Variants in NCAPG observed in about 807,000 individuals in gnomAD.
NCAPG encodes non-SMC condensin I complex subunit G, also known as condensin complex subunit 3.
A neutral mutation model predicts 113.1 loss-of-function variants in NCAPG; 69 were observed. That is an observed-to-expected ratio of 0.61 (90% CI 0.50 to 0.75). NCAPG has a LOEUF of 0.75. Among genes scored for constraint, NCAPG ranks in the 30% least tolerant of loss-of-function variants. The pLI is 0.00. For missense variants in NCAPG, 1,058 were observed against 1,177.0 expected (o/e 0.90, Z 1.48); for synonymous variants, 370 against 415.8 (o/e 0.89, Z 1.34).
rs1440728687 is a variant in NCAPG at position 17,815,547 on chromosome 4, C to T, written c.775+189C>T. ...TTTTGATATATATATATTTTTGAGA[C>T]AGAGTCTCACTCTATCACCCAGACT... On this transcript the variant is annotated intron_variant, in intron 5 of 20. Transcript: ENST00000251496. Among the ~76,000 whole-genome samples the T allele has an allele frequency of 5.3e-5, 8 of 152,240 alleles. No homozygotes were observed. The South Asian group carries it at 1.0e-3, about 20-fold the overall frequency.
chr4:17,832,880 C>T (rs1721919358), intron 13 of NCAPG, among the ~76,000 whole-genome samples: 1 of 152,164 alleles, frequency 6.6e-6, no homozygotes, highest in Non-Finnish European at 1.5e-5. Context: ...AATGACCCAG[C>T]TGTCCCGTGT....
chr4:17,844,398 C>T lies in NCAPG; in HGVS notation c.*973C>T, dbSNP rs1229137052. On this transcript the variant is annotated 3_prime_UTR_variant, in exon 21 of 21. Coordinates refer to ENST00000251496, the MANE Select transcript of NCAPG (RefSeq NM_022346.5). ...TTTTAATAATTGTGCTTTTTTTAGG[C>T]TTATCATCTACTAGAGGCCATTTAC... 1 of 152,268 alleles carries T rather than the reference C, an allele frequency of 6.6e-6. No homozygotes were observed. Among genetic ancestry groups the T allele is most frequent in the Admixed American group, 6.6e-5 (1 of 15,230 alleles). 9.4% of individuals were successfully genotyped at this position (152,268 alleles called of 1,614,324 possible). A position where few individuals can be genotyped will look rare whatever the true frequency, so the allele number is the denominator to read the frequency against.
intron 6 of NCAPG, 121 bp from the exon 7 acceptor site, chr4:17,817,816 ACT>A (rs1429402397): frequency 5.3e-6 from 5 of 939,970 alleles, no homozygotes; most frequent in African/African-American, 3.4e-5. Flanking sequence ...TACATTAATG[ACT>A]CTAATTAAAA....
intron 6 of NCAPG, 88 bp from the exon 7 acceptor site, chr4:17,817,851 C>A (rs761050440): frequency 3.0e-6 from 4 of 1,336,310 alleles, no homozygotes; most frequent in East Asian, 2.5e-5. Flanking sequence ...GGTTTTAAAG[C>A]AAATCTTATT....
intron 7 of NCAPG, among the ~76,000 whole-genome samples, chr4:17,822,135 T>C (rs1179297543): frequency 6.6e-6 from 1 of 152,012 alleles, no homozygotes; most frequent in African/African-American, 2.4e-5. Context: ...TGTGTAACTA[T>C]TGTTACAATT....
In NCAPG at chr4:17,817,967, C is replaced by G. The variant is rs1313660917; in HGVS notation, c.997C>G (p.Pro333Ala). ...ATTGATTCCAGTGGAAACATTAACT[C>G]CTGAAATTGCTTTGTATTGGTGTGC... ...RKLIPVETLTPEIALYWCALC... is the reference protein window; with the variant it reads ...RKLIPVETLTAEIALYWCALC... The change falls in exon 7 of 21, where the codon CCT (proline) becomes GCT (alanine). Residue 333 changes from proline (P) to alanine (A), a missense_variant. Transcript: ENST00000251496. The G allele has an allele frequency of 3.7e-6, 6 of 1,604,114 alleles. No individual in the cohort carries two copies. The highest frequency in any genetic ancestry group is 5.1e-6 in the Non-Finnish European group (6 of 1,177,158).
At chr4:17,815,557 C>T (rs1721167021) in intron 5 of NCAPG, among the ~76,000 whole-genome samples, 199 bp downstream of exon 5, 1 of 152,172 alleles carries the variant, frequency 6.6e-6, no homozygotes, top group South Asian at 2.1e-4. Context: ...CAGAGTCTCA[C>T]TCTATCACCC....
At chr4:17,817,130 T>C (rs1344324629) in intron 5 of NCAPG, 131 bp from the exon 6 acceptor site, 10 of 631,946 alleles carry the variant, frequency 1.6e-5, no homozygotes, top group Middle Eastern at 2.7e-4. Context: ...TATATATACA[T>C]GCTTAGTTGT....
chr4:17,822,650 A>T (rs183974928), intron 7 of NCAPG, among the ~76,000 whole-genome samples: 34 of 152,308 alleles, frequency 2.2e-4, no homozygotes, highest in Admixed American at 1.9e-3. Flanking sequence ...GCCACCTGTA[A>T]TTGGGGACCA....
At chr4:17,829,217 C>T (rs1340460188) in intron 12 of NCAPG, among the ~76,000 whole-genome samples, 2 of 152,146 alleles carry the variant, frequency 1.3e-5, no homozygotes, top group African/African-American at 4.8e-5. Flanking sequence ...TAGTACTACT[C>T]ATTCAAAGCA....
At chr4:17,824,427 A>C (rs1560226431) in intron 9 of NCAPG, among the ~76,000 whole-genome samples, 1 of 152,092 alleles carries the variant, frequency 6.6e-6, no homozygotes, top group South Asian at 2.1e-4. Context: ...CTTCTACAAC[A>C]TGCTTAGTTG....
intron 1 of NCAPG, 105 bp from the exon 2 acceptor site, chr4:17,812,116 T>C (rs1721000772): frequency 4.9e-6 from 4 of 822,022 alleles, no homozygotes; most frequent in Non-Finnish European, 3.8e-6. Context: ...AATATTTTAA[T>C]TTGTCTGCAT....
chr4:17,811,632 A>G lies in NCAPG; in HGVS notation c.111+444A>G, dbSNP rs1720958492. Among the ~76,000 whole-genome samples, 1 of 152,156 alleles carries G rather than the reference A, an allele frequency of 6.6e-6. No homozygotes were observed. Among genetic ancestry groups the G allele is most frequent in the Non-Finnish European group, 1.5e-5 (1 of 68,022 alleles). On this transcript the variant is annotated intron_variant, in intron 1 of 20. Transcript: ENST00000251496. This position sits in a 1 kb window ranked among gnomAD's most constrained non-coding sequence, Gnocchi z 5.3. ...CATCAAATGATTCTACCCTTGTCCT[A>G]CGGTTACGTTGAATCCAATCACCAA...
intron 12 of NCAPG, among the ~76,000 whole-genome samples, chr4:17,829,193 GT>G (rs1721774944): frequency 1.3e-5 from 2 of 152,152 alleles, no homozygotes; most frequent in African/African-American, 4.8e-5. Context: ...TTTTGTTGTT[GT>G]TGTTGTTTTT....
rs968856880 is a variant in NCAPG, at chr4:17,815,330, C to T, written c.747C>T (p.Leu249=). The change falls in exon 5 of 21, where the codon CTC becomes CTT. Residue 249 remains leucine (L), a synonymous_variant. Transcript: ENST00000251496. ...RAMSIAQRVM[L]LQQGLNDRSD... is the part of the protein sequence containing the mutation. ...TGTCCATTGCTCAGAGAGTAATGCT[C>T]CTTCAACAAGGTCTTAATGACAGAT... The T allele has an allele frequency of 6.3e-7, 1 of 1,585,512 alleles. No homozygotes were observed.
chr4:17,840,055 A>ATGT lies in NCAPG; in HGVS notation c.2629-14_2629-12dup, dbSNP rs749380307. 6.3e-7 allele frequency: 1 copy of ATGT among 1,590,382 alleles called. No individual in the cohort carries two copies. The highest frequency in any genetic ancestry group is 1.8e-5 in the Admixed American group (1 of 54,108). Reference sequence around the variant, plus strand: ...ATGCGGTGTTTACAAAATGTTAATAATGTTTTCTTTTATAGCAAGTAAAAG... The same window carrying ATGT: ...ATGCGGTGTTTACAAAATGTTAATAATGTTGTTTTCTTTTATAGCAAGTAAAAG... On this transcript the variant is annotated splice_polypyrimidine_tract_variant and intron_variant, in intron 17 of 20. Coordinates refer to ENST00000251496, the MANE Select transcript of NCAPG (RefSeq NM_022346.5).
intron 12 of NCAPG, among the ~76,000 whole-genome samples, chr4:17,828,943 GT>G (rs1407768450): frequency 2.7e-5 from 4 of 146,434 alleles, no homozygotes; most frequent in East Asian, 4.0e-4. Flanking sequence ...TAAAGCCACT[GT>G]TTTAAAAAAA....
intron 5 of NCAPG, among the ~76,000 whole-genome samples, 177 bp downstream of exon 5, chr4:17,815,535 A>G (rs1240577412): frequency 1.3e-5 from 2 of 152,062 alleles, no homozygotes; most frequent in African/African-American, 2.4e-5. Flanking sequence ...TGATATATAT[A>G]TATTTTTGAG....
In NCAPG at chr4:17,813,125, A is replaced by G. The variant is rs747174193; in HGVS notation, c.524A>G (p.Asp175Gly). ...TCACGACTTCAGGATCCCAAGGATG[A>G]TGAATGCCCAGTGGTTAATGGTGTG... Reference protein sequence around the residue: ...ALSRLQDPKDDECPVVNAYAT... With the variant: ...ALSRLQDPKDGECPVVNAYAT... Residue 175 changes from aspartate (D) to glycine (G), a missense_variant, in exon 3 of 21, where the codon GAT becomes GGT. Asp to Gly is a moderately conservative substitution (Grantham distance 94). Coordinates refer to ENST00000251496, the MANE Select transcript of NCAPG (RefSeq NM_022346.5). 2.5e-6 allele frequency: 4 copies of G among 1,613,588 alleles called. No individual in the cohort carries two copies. The highest frequency in any genetic ancestry group is 1.6e-4 in the Middle Eastern group (1 of 6,068).
Sources: allele counts gnomAD v4.1 joint callset (sites outside exome capture counted in the v4.1 genomes callset), GRCh38; gene constraint gnomAD v4.1.1; non-coding constraint Gnocchi (gnomAD v3.1); transcripts MANE v1.5; gene names NCBI Gene and HGNC (gene_info 2026-07-23, HGNC 2026-07-21).